TFCP2: variants seen among roughly 807,000 people sequenced by gnomAD.
TFCP2 encodes the protein transcription factor CP2, also known as alpha-globin transcription factor CP2.
A neutral mutation model predicts 73.4 loss-of-function variants in TFCP2; 33 were observed. The observed-to-expected ratio is 0.45, with a 90% CI of 0.34 to 0.60. The LOEUF (loss-of-function observed/expected upper bound fraction) is 0.60. Among genes scored for constraint, TFCP2 ranks in the 20% least tolerant of loss-of-function variants. The probability of loss-of-function intolerance (pLI) is 0.01; values close to 1 mark genes in which losing one functional copy is unlikely to be tolerated. For missense variants in TFCP2, 352 were observed against 604.0 expected (o/e 0.58, Z 4.37); for synonymous variants, 193 against 211.6 (o/e 0.91, Z 0.76).
chr12:51,151,725 C>T (rs1941431621), intron 1 of TFCP2, among the ~76,000 whole-genome samples: 1 of 152,110 alleles, frequency 6.6e-6, no homozygotes, highest in Admixed American at 6.6e-5. Context: ...CGTGAGCCAC[C>T]ACGCCCGGCC....
At chr12:51,162,800 T>G (rs1275900432) in intron 1 of TFCP2, 1 of 151,984 alleles carries the variant, frequency 6.6e-6, no homozygotes, top group Non-Finnish European at 1.5e-5. Flanking sequence ...ATCCCATGAG[T>G]TTTGGTATGT....
intron 13 of TFCP2, among the ~76,000 whole-genome samples, chr12:51,096,562 G>A (rs528775704): frequency 5.3e-5 from 8 of 152,268 alleles, no homozygotes; most frequent in African/African-American, 1.9e-4. Flanking sequence ...GCTAATAACT[G>A]AGCAATAGAC....
intron 1 of TFCP2, among the ~76,000 whole-genome samples, chr12:51,149,757 G>T (rs1203101708): frequency 6.6e-6 from 1 of 151,888 alleles, no homozygotes; most frequent in African/African-American, 2.4e-5. Flanking sequence ...GCATCACCAC[G>T]CTCAGCTAAT....
intron 4 of TFCP2, among the ~76,000 whole-genome samples, chr12:51,113,168 A>C (rs773426630): frequency 4.0e-4 from 61 of 152,216 alleles, no homozygotes; most frequent in Non-Finnish European, 4.4e-4. Context: ...CCACAATATT[A>C]GTTGTGTTAG....
Position 51,099,565 on chromosome 12 carries a change from C to T in TFCP2, c.1276+90G>A, listed in dbSNP as rs1428059422. 7 of 1,476,210 alleles carry T rather than the reference C, an allele frequency of 4.7e-6. No homozygotes were observed. The African/African-American group carries it at 9.7e-5, about 21-fold the overall frequency. The allele number at this position is 1,476,210 out of a possible 1,614,324, so 91.4% of individuals were successfully genotyped here. A position where few individuals can be genotyped will look rare whatever the true frequency, so the allele number is the denominator to read the frequency against. On this transcript the variant is annotated intron_variant, in intron 12 of 14. Transcript: ENST00000257915. ...TTGTTACTTCTAGCAAATACTAAAT[C>T]TGCTGTTTGATAGTTTCCCATCACA...
At chr12:51,125,148 T>C (rs559176172) in intron 1 of TFCP2, 45 of 734,222 alleles carry the variant, frequency 6.1e-5, no homozygotes, top group Non-Finnish European at 1.0e-4. Context: ...CAGTGTGATA[T>C]TGACATTCTG....
At chr12:51,113,128 C>A (rs906136358) in intron 4 of TFCP2, among the ~76,000 whole-genome samples, 8 of 152,102 alleles carry the variant, frequency 5.3e-5, no homozygotes, top group African/African-American at 1.7e-4. Context: ...ATCAATGATT[C>A]AAACAATAGA....
intron 1 of TFCP2, among the ~76,000 whole-genome samples, chr12:51,135,436 C>CAA (rs5798157): frequency 8.2e-4 from 124 of 150,936 alleles, no homozygotes; most frequent in Non-Finnish European, 9.5e-4. Flanking sequence ...CACACACACA[C>CAA]AAAAAAAACA....
intron 1 of TFCP2, among the ~76,000 whole-genome samples, chr12:51,157,835 C>T (rs765429711): frequency 5.3e-5 from 8 of 151,352 alleles, no homozygotes; most frequent in Non-Finnish European, 7.4e-5. Flanking sequence ...GGATCATAGG[C>T]GTGTACTAAT....
At chr12:51,099,907 G>A in intron 11 of TFCP2, 128 bp from the exon 12 acceptor site, 1 of 1,153,546 alleles carries the variant, frequency 8.7e-7, no homozygotes. Context: ...TTGGCCAAAT[G>A]CAATTAATTT....
intron 1 of TFCP2, among the ~76,000 whole-genome samples, chr12:51,162,262 A>G (rs545167905): frequency 6.6e-6 from 1 of 152,282 alleles, no homozygotes; most frequent in East Asian, 1.9e-4. Context: ...CCTGGCCAAC[A>G]TGGCAAATCC....
rs988992991 is a variant in TFCP2, at chr12:51,105,418, A to G, written c.917+1107T>C. On this transcript the variant is annotated intron_variant, in intron 8 of 14. Transcript: ENST00000257915. ...GTTTTTCTTTATACGTTCTTTGTCT[A>G]TGAATTGTCCCTCTTCCCTAATGCC... is the stretch of plus-strand genomic sequence containing the variant. Among the ~76,000 whole-genome samples the G allele has an allele frequency of 3.1e-4, 47 of 152,160 alleles. 1 individual carries two copies. Among genetic ancestry groups the G allele is most frequent in the Non-Finnish European group, 4.4e-5 (3 of 68,034 alleles).
chr12:51,156,443 G>C (rs1442852796), intron 1 of TFCP2, among the ~76,000 whole-genome samples: 5 of 152,096 alleles, frequency 3.3e-5, no homozygotes, highest in Admixed American at 6.6e-5. Flanking sequence ...CCATTCCTGA[G>C]GGATAAACCC....
At chr12:51,147,147 A>G (rs1257185620) in intron 1 of TFCP2, among the ~76,000 whole-genome samples, 2 of 152,178 alleles carry the variant, frequency 1.3e-5, no homozygotes, top group Non-Finnish European at 2.9e-5. Flanking sequence ...GTGCGAGACC[A>G]GCCTGGCCAA....
intron 4 of TFCP2, among the ~76,000 whole-genome samples, chr12:51,115,905 AGTT>A (rs1940521886): frequency 6.6e-6 from 1 of 152,224 alleles, no homozygotes; most frequent in South Asian, 2.1e-4. Flanking sequence ...GAGAATGGGG[AGTT>A]GTTGTTTAAC....
At chr12:51,132,621 T>TGCCTCC (rs1396407802) in intron 1 of TFCP2, among the ~76,000 whole-genome samples, 10 of 152,054 alleles carry the variant, frequency 6.6e-5, no homozygotes, top group African/African-American at 2.4e-4. Context: ...CACCTGCCTC[T>TGCCTCC]GCCTCCCAAA....
intron 8 of TFCP2, among the ~76,000 whole-genome samples, chr12:51,105,364 T>C (rs1026965504): frequency 6.6e-6 from 1 of 152,184 alleles, no homozygotes; most frequent in Non-Finnish European, 1.5e-5. Flanking sequence ...AGTGCTGGGA[T>C]TGCAGGTGTG....
chr12:51,144,443 G>GT (rs1366819381), intron 1 of TFCP2, among the ~76,000 whole-genome samples: 8 of 152,142 alleles, frequency 5.3e-5, no homozygotes, highest in Middle Eastern at 3.2e-3. Flanking sequence ...AAAAACTTGA[G>GT]TAATTAAGAC....
intron 10 of TFCP2, among the ~76,000 whole-genome samples, chr12:51,103,239 T>G (rs921411499): frequency 6.6e-6 from 1 of 151,916 alleles, no homozygotes; most frequent in Non-Finnish European, 1.5e-5. Flanking sequence ...GCCGAGATCA[T>G]GCAACTGCAC....
Sources: gnomAD v4.1 joint callset for allele counts (sites outside exome capture counted in the v4.1 genomes callset) on GRCh38, gnomAD v4.1.1 for gene constraint, MANE v1.5 for transcripts, NCBI Gene and HGNC (gene_info 2026-07-23, HGNC 2026-07-21) for gene names.